SNAP91: variants seen among roughly 807,000 people sequenced by gnomAD.
The protein encoded by SNAP91 is clathrin coat assembly protein AP180.
In SNAP91, 27 loss-of-function variants were observed where a neutral mutation model predicts 100.3. The observed-to-expected ratio is 0.27, with a 90% CI of 0.20 to 0.37. The LOEUF (loss-of-function observed/expected upper bound fraction) is 0.37, where lower values mean the gene tolerates loss of function less well. Among genes scored for constraint, SNAP91 ranks in the 10% least tolerant of loss-of-function variants. The pLI, the probability that SNAP91 is intolerant of heterozygous loss-of-function variation, is 1.00. For synonymous variants in SNAP91, 404 were observed against 398.6 expected (o/e 1.01, Z -0.16); for missense variants, 986 against 1,123.7 (o/e 0.88, Z 1.75).
intron 8 of SNAP91, among the ~76,000 whole-genome samples, chr6:83,623,751 T>C (rs1287414013): frequency 2.0e-5 from 3 of 152,120 alleles, no homozygotes; most frequent in South Asian, 2.1e-4. Context: ...TTTCCACTCT[T>C]TCTCCCACAG....
intron 7 of SNAP91, among the ~76,000 whole-genome samples, chr6:83,645,719 T>A (rs1668462227): frequency 1.3e-5 from 2 of 151,634 alleles, no homozygotes; most frequent in Admixed American, 1.3e-4. Context: ...GGAGTGGTGG[T>A]GCGTGTCTGT....
intron 12 of SNAP91, 57 bp from the exon 13 acceptor site, chr6:83,607,865 GC>G (rs2095735223): frequency 2.0e-6 from 2 of 1,019,752 alleles, no homozygotes; most frequent in Non-Finnish European, 2.8e-6. Context: ...AGGACACAGG[GC>G]AGCAGGACTT....
At chr6:83,677,531 G>A (rs9449682) in intron 2 of SNAP91, among the ~76,000 whole-genome samples, 9,687 of 152,108 alleles carry the variant, frequency 0.064, 987 homozygotes, top group African/African-American at 0.22. Flanking sequence ...GAAGCTGCCC[G>A]TGTGCCAAAT....
chr6:83,707,354 T>G (rs2099394335), intron 2 of SNAP91, among the ~76,000 whole-genome samples: 1 of 151,818 alleles, frequency 6.6e-6, no homozygotes, highest in Non-Finnish European at 1.5e-5. Flanking sequence ...TGAAATGTAT[T>G]TAGGAAAGAA....
intron 7 of SNAP91, among the ~76,000 whole-genome samples, chr6:83,645,464 C>T (rs2097878297): frequency 6.6e-6 from 1 of 152,106 alleles, no homozygotes; most frequent in Non-Finnish European, 1.5e-5. Flanking sequence ...CATTACTGTT[C>T]ACTCTTGGTG....
intron 8 of SNAP91, among the ~76,000 whole-genome samples, chr6:83,639,923 A>C (rs2097614164): frequency 6.6e-6 from 1 of 152,186 alleles, no homozygotes; most frequent in Non-Finnish European, 1.5e-5. Flanking sequence ...AAATCATACC[A>C]AATACAAAAA....
intron 2 of SNAP91, chr6:83,686,033 G>C (rs2099055774): frequency 3.4e-6 from 1 of 290,356 alleles, no homozygotes; most frequent in African/African-American, 2.3e-5. Flanking sequence ...TCAGCTGTTT[G>C]GTTCATTAAG....
chr6:83,572,630 C>G (rs987013676), intron 26 of SNAP91, among the ~76,000 whole-genome samples: 10 of 152,098 alleles, frequency 6.6e-5, no homozygotes, highest in Non-Finnish European at 4.4e-5. Flanking sequence ...TCCAATACCC[C>G]TAACTCACTT....
At chr6:83,667,182 C>T (rs2098702504) in intron 2 of SNAP91, among the ~76,000 whole-genome samples, 1 of 152,012 alleles carries the variant, frequency 6.6e-6, no homozygotes, top group South Asian at 2.1e-4. Context: ...TAGACCAATG[C>T]ATTTAAACGT....
chr6:83,672,815 C>T (rs1351092492), intron 2 of SNAP91, among the ~76,000 whole-genome samples: 3 of 152,082 alleles, frequency 2.0e-5, no homozygotes, highest in Non-Finnish European at 4.4e-5. Context: ...GTTATGTATA[C>T]TTTTATCAGC....
Position 83,681,281 on chromosome 6 carries a change from C to A in SNAP91, c.131-15700G>T, listed in dbSNP as rs2098985838. ...TTTCCTATCCTGGCTGCCTCCTTCT[C>A]CTAAGGTCCCCAGATAGCATTGGCC... On this transcript the variant is annotated intron_variant, in intron 2 of 29. Coordinates refer to ENST00000369694, the MANE Select transcript of SNAP91 (RefSeq NM_001242792.2). Among the ~76,000 whole-genome samples the A allele has an allele frequency of 2.6e-5, 4 of 152,260 alleles. No individual in the cohort carries two copies. In the South Asian group the frequency reaches 6.2e-4, roughly 24 times the overall value.
rs1250086192 is a variant in SNAP91, at chr6:83,691,466, C to T, written c.130+16332G>A. On this transcript the variant is annotated intron_variant, in intron 2 of 29. Transcript: ENST00000369694. ...CACTGTTAGTATATACAATGTATAT[C>T]GAGATTCACCACAACTACTGATGGT... Among the ~76,000 whole-genome samples, 6 of 152,112 alleles carry T rather than the reference C, an allele frequency of 3.9e-5. 1 individual carries two copies. The highest frequency in any genetic ancestry group is 1.5e-5 in the Non-Finnish European group (1 of 67,976).
chr6:83,700,997 C>T (rs1403296643), intron 2 of SNAP91, among the ~76,000 whole-genome samples: 1 of 152,012 alleles, frequency 6.6e-6, no homozygotes, highest in Non-Finnish European at 1.5e-5. Flanking sequence ...GCCTGGCATC[C>T]GATAGCAATT....
chr6:83,629,997 T>C (rs989919967), intron 8 of SNAP91, among the ~76,000 whole-genome samples: 75 of 152,272 alleles, frequency 4.9e-4, no homozygotes, highest in African/African-American at 1.8e-3. Flanking sequence ...TTGTCATAGA[T>C]GGCTTTTATT....
intron 6 of SNAP91, 64 bp from the exon 7 acceptor site, chr6:83,656,929 C>A (rs993861379): frequency 6.1e-5 from 42 of 687,368 alleles, no homozygotes; most frequent in Non-Finnish European, 9.1e-5. Context: ...TCTTGAATCA[C>A]ATTAAAATGT....
intron 2 of SNAP91, among the ~76,000 whole-genome samples, chr6:83,675,945 G>A (rs537755794): frequency 3.3e-5 from 5 of 151,494 alleles, no homozygotes; most frequent in Non-Finnish European, 5.9e-5. Flanking sequence ...CCAGGAGTTC[G>A]AGACCAGACT....
intron 26 of SNAP91, among the ~76,000 whole-genome samples, chr6:83,568,193 TA>T (rs1800074682): frequency 6.6e-6 from 1 of 152,134 alleles, no homozygotes; most frequent in African/African-American, 2.4e-5. Flanking sequence ...ACGTCTTTTG[TA>T]GGGACATGGA....
At chr6:83,699,477 A>G (rs1398036881) in intron 2 of SNAP91, among the ~76,000 whole-genome samples, 2 of 152,192 alleles carry the variant, frequency 1.3e-5, no homozygotes, top group African/African-American at 4.8e-5. Context: ...TATCTGAAAA[A>G]CAAATCATGC....
Position 83,618,948 on chromosome 6 carries a change from C to T in SNAP91, c.808-1909G>A, listed in dbSNP as rs140071734. 3.0e-4 allele frequency among the ~76,000 whole-genome samples: 46 copies of T among 151,506 alleles called. 1 individual carries two copies. Among genetic ancestry groups the T allele is most frequent in the African/African-American group, 1.1e-3 (45 of 41,340 alleles). Reference sequence around the variant, plus strand: ...CAAAATAGCAACAAATACGGGATAACCAAAAATAGGTAATATTTTCTCCTA... The same window carrying T: ...CAAAATAGCAACAAATACGGGATAATCAAAAATAGGTAATATTTTCTCCTA... On this transcript the variant is annotated intron_variant, in intron 9 of 29. Transcript: ENST00000369694.
Sources: allele counts gnomAD v4.1 joint callset (sites outside exome capture counted in the v4.1 genomes callset), GRCh38; gene constraint gnomAD v4.1.1; transcripts MANE v1.5; gene names NCBI Gene and HGNC (gene_info 2026-07-23, HGNC 2026-07-21).